The following PCDH15 variants were observed in gnomAD, a reference collection of about 807,000 sequenced individuals.
PCDH15 encodes the protein protocadherin-15.
A neutral mutation model predicts 178.5 loss-of-function variants in PCDH15; 129 were observed. The ratio of observed to expected loss-of-function variants is 0.72; its 90% confidence interval spans 0.63 to 0.84. PCDH15 has a LOEUF of 0.84. Among genes scored for constraint, PCDH15 ranks in the 40% least tolerant of loss-of-function variants. The pLI is 0.00. For synonymous variants in PCDH15, 800 were observed against 732.0 expected (o/e 1.09, Z -1.50); for missense variants, 2,230 against 2,099.9 (o/e 1.06, Z -1.21).
chr10:54,246,105 G>A (rs2055895636), intron 8 of PCDH15, among the ~76,000 whole-genome samples: 1 of 151,962 alleles, frequency 6.6e-6, no homozygotes, highest in Non-Finnish European at 1.5e-5. Context: ...CATACGCTCA[G>A]AGATGTGTTG....
chr10:55,426,887 C>A (rs967166660), intron 2 of PCDH15, among the ~76,000 whole-genome samples: 3 of 152,144 alleles, frequency 2.0e-5, no homozygotes, highest in Non-Finnish European at 1.5e-5. Flanking sequence ...CAAGCCACTT[C>A]TCTCCAATGT....
At chr10:54,721,967 A>G (rs934926516) in intron 1 of PCDH15, among the ~76,000 whole-genome samples, 4 of 151,904 alleles carry the variant, frequency 2.6e-5, no homozygotes, top group Middle Eastern at 3.2e-3. Context: ...AAAAATCTTC[A>G]ACAAAATACT....
At chr10:54,504,766 A>G (rs1005956399) in intron 3 of PCDH15, among the ~76,000 whole-genome samples, 2 of 152,128 alleles carry the variant, frequency 1.3e-5, no homozygotes, top group Admixed American at 1.3e-4. Flanking sequence ...CACACATCTT[A>G]ATAGGTACAG....
chr10:54,917,066 T>C (rs1329565016), intron 2 of PCDH15, among the ~76,000 whole-genome samples: 1 of 152,124 alleles, frequency 6.6e-6, no homozygotes, highest in Non-Finnish European at 1.5e-5. Flanking sequence ...TGGAAGAGTG[T>C]TGAATAGCAT....
chr10:55,143,878 C>G (rs1838421661), intron 2 of PCDH15, among the ~76,000 whole-genome samples: 2 of 151,924 alleles, frequency 1.3e-5, no homozygotes. Context: ...ATGTACTTGC[C>G]AAATTTTACA....
intron 2 of PCDH15, among the ~76,000 whole-genome samples, chr10:55,606,404 T>G (rs1407992257): frequency 9.9e-5 from 15 of 150,772 alleles, no homozygotes; most frequent in Non-Finnish European, 1.8e-4. Flanking sequence ...TACTTTAAAG[T>G]TCATATGGAA....
At chr10:55,155,883 C>T (rs1258364595) in intron 2 of PCDH15, among the ~76,000 whole-genome samples, 3 of 152,054 alleles carry the variant, frequency 2.0e-5, no homozygotes, top group Admixed American at 6.6e-5. Context: ...CAGCTATTAG[C>T]GATTTCTGAC....
intron 25 of PCDH15, among the ~76,000 whole-genome samples, chr10:53,911,859 A>G (rs1350832108): frequency 6.6e-6 from 1 of 152,200 alleles, no homozygotes; most frequent in Non-Finnish European, 1.5e-5. Context: ...CCAAATTCTA[A>G]TAGAGGTACA....
intron 2 of PCDH15, among the ~76,000 whole-genome samples, chr10:55,087,215 G>A (rs1842194367): frequency 6.6e-6 from 1 of 152,074 alleles, no homozygotes; most frequent in Non-Finnish European, 1.5e-5. Context: ...GAAAATGGAA[G>A]AATATTTAGT....
chr10:53,980,354 C>T (rs11003964), intron 21 of PCDH15, among the ~76,000 whole-genome samples: 7,297 of 152,030 alleles, frequency 0.048, 223 homozygotes, highest in East Asian at 0.12. Flanking sequence ...TTGGTAAGAA[C>T]GTTATTAAAA....
At chr10:55,207,009 T>TTC (rs1424974648) in intron 1 of PCDH15, among the ~76,000 whole-genome samples, 1 of 151,956 alleles carries the variant, frequency 6.6e-6, no homozygotes, top group African/African-American at 2.4e-5. Context: ...TTCTCTTTGT[T>TTC]TCTCTCTATA....
At chr10:55,169,803 G>T (rs972745039) in intron 1 of PCDH15, among the ~76,000 whole-genome samples, 1 of 152,118 alleles carries the variant, frequency 6.6e-6, no homozygotes, top group Admixed American at 6.6e-5. Flanking sequence ...GTGTGAAGTG[G>T]AAATAGCAAA....
chr10:54,430,096 C>T (rs551639681), intron 3 of PCDH15, among the ~76,000 whole-genome samples: 2 of 150,200 alleles, frequency 1.3e-5, no homozygotes, highest in African/African-American at 4.9e-5. Context: ...GGCTCTCTCA[C>T]CCAGGCTGGA....
intron 2 of PCDH15, among the ~76,000 whole-genome samples, chr10:55,350,434 C>T (rs1844895230): frequency 6.6e-6 from 1 of 151,374 alleles, no homozygotes. Context: ...TCTTAACCTC[C>T]TCTTCTAAAA....
At chr10:54,146,962 A>AGT (rs1564530718) in intron 14 of PCDH15, among the ~76,000 whole-genome samples, 89 of 136,246 alleles carry the variant, frequency 6.5e-4, no homozygotes, top group South Asian at 2.4e-3. Context: ...ATATATATAT[A>AGT]ATGTATATAT....
At chr10:54,819,444 AAC>A (rs1181767349) in intron 3 of PCDH15, among the ~76,000 whole-genome samples, 2 of 151,966 alleles carry the variant, frequency 1.3e-5, no homozygotes, top group Non-Finnish European at 2.9e-5. Flanking sequence ...TGTTTTAAAA[AAC>A]AGAGCTTATT....
chr10:54,504,104 C>A (rs1384733745), intron 3 of PCDH15, among the ~76,000 whole-genome samples: 4 of 152,092 alleles, frequency 2.6e-5, no homozygotes, highest in African/African-American at 9.7e-5. Flanking sequence ...CACATAAATT[C>A]ACTCAGCAAG....
At chr10:53,966,975 C>T (rs1489833398) in intron 21 of PCDH15, among the ~76,000 whole-genome samples, 1 of 151,972 alleles carries the variant, frequency 6.6e-6, no homozygotes, top group Non-Finnish European at 1.5e-5. Context: ...ATGATTATAG[C>T]TCACTGCAGC....
intron 2 of PCDH15, among the ~76,000 whole-genome samples, chr10:55,623,571 A>G (rs574566138): frequency 6.6e-6 from 1 of 152,156 alleles, no homozygotes; most frequent in South Asian, 2.1e-4. Flanking sequence ...ATGAGAATAT[A>G]TATAACACTA....
Sources: gnomAD v4.1 joint callset for allele counts (sites outside exome capture counted in the v4.1 genomes callset) on GRCh38, gnomAD v4.1.1 for gene constraint, MANE v1.5 for transcripts, NCBI Gene and HGNC (gene_info 2026-07-23, HGNC 2026-07-21) for gene names.